Variants in ZFAND3 observed in about 807,000 individuals in gnomAD.
ZFAND3 encodes zinc finger AN1-type containing 3.
ZFAND3 carries 10 observed loss-of-function variants against 29.6 expected under a neutral mutation model. The observed-to-expected ratio is 0.34, with a 90% CI of 0.21 to 0.57. The LOEUF is 0.57. Among genes scored for constraint, ZFAND3 ranks in the 20% least tolerant of loss-of-function variants. ZFAND3 has a pLI of 0.86. For synonymous variants in ZFAND3, 128 were observed against 112.6 expected (o/e 1.14, Z -0.87); for missense variants, 230 against 304.5 (o/e 0.76, Z 1.82).
chr6:38,081,159 CTT>C (rs200659624), intron 3 of ZFAND3, among the ~76,000 whole-genome samples: 1 of 143,888 alleles, frequency 6.9e-6, no homozygotes, highest in Non-Finnish European at 1.5e-5. Flanking sequence ...GAAGTTTTTT[CTT>C]TTTTTTTTTT....
chr6:38,096,265 C>T (rs1367000733), intron 4 of ZFAND3, among the ~76,000 whole-genome samples: 2 of 151,762 alleles, frequency 1.3e-5, no homozygotes, highest in South Asian at 2.1e-4. Context: ...CTCCGCCTCT[C>T]GGGTTTAAGC....
chr6:37,848,127 T>C (rs746621163), intron 1 of ZFAND3, among the ~76,000 whole-genome samples: 16 of 152,258 alleles, frequency 1.1e-4, no homozygotes, highest in Non-Finnish European at 2.4e-4. Flanking sequence ...AAAGTACAGA[T>C]ATCATTACTG....
chr6:37,926,496 A>C (rs917987707), intron 1 of ZFAND3, among the ~76,000 whole-genome samples: 4 of 151,390 alleles, frequency 2.6e-5, no homozygotes, highest in African/African-American at 4.9e-5. Context: ...TCCCTTTGCT[A>C]CTCCCTTGCA....
chr6:38,040,924 T>C (rs1763747842), intron 2 of ZFAND3, among the ~76,000 whole-genome samples: 1 of 152,224 alleles, frequency 6.6e-6, no homozygotes, highest in African/African-American at 2.4e-5. Flanking sequence ...GTCTCAGTAA[T>C]ATCCTTTTTA....
At chr6:37,921,673 T>C (rs1052126374) in intron 1 of ZFAND3, among the ~76,000 whole-genome samples, 3 of 151,878 alleles carry the variant, frequency 2.0e-5, no homozygotes, top group African/African-American at 4.8e-5. Flanking sequence ...AACATTGATA[T>C]CCTTCAAAAT....
At chr6:37,903,706 A>T (rs527898353) in intron 1 of ZFAND3, among the ~76,000 whole-genome samples, 6 of 152,370 alleles carry the variant, frequency 3.9e-5, no homozygotes, top group Non-Finnish European at 8.8e-5. Context: ...ATTTAATCAT[A>T]ACTAAGGTAG....
At chr6:37,957,389 G>A (rs534589066) in intron 2 of ZFAND3, among the ~76,000 whole-genome samples, 1 of 151,626 alleles carries the variant, frequency 6.6e-6, no homozygotes, top group Non-Finnish European at 1.5e-5. Flanking sequence ...ATGTCTCGGA[G>A]TCTCAGTTTG....
At chr6:37,963,254 A>G (rs945599169) in intron 2 of ZFAND3, among the ~76,000 whole-genome samples, 1 of 152,254 alleles carries the variant, frequency 6.6e-6, no homozygotes, top group African/African-American at 2.4e-5. Context: ...GCATTTAATA[A>G]TGAAGCTCCA....
chr6:38,086,971 T>G (rs1764770082), intron 4 of ZFAND3, among the ~76,000 whole-genome samples: 1 of 151,838 alleles, frequency 6.6e-6, no homozygotes, highest in Admixed American at 6.6e-5. Flanking sequence ...CAGAACAACC[T>G]CAAACTGGCA....
intron 1 of ZFAND3, among the ~76,000 whole-genome samples, chr6:37,858,722 TA>T (rs536693630): frequency 6.6e-5 from 10 of 152,338 alleles, no homozygotes; most frequent in Non-Finnish European, 2.9e-5. Context: ...TGAAACCTGT[TA>T]AACAAGGTGA....
At chr6:37,957,452 G>A (rs917430512) in intron 2 of ZFAND3, among the ~76,000 whole-genome samples, 3 of 151,622 alleles carry the variant, frequency 2.0e-5, no homozygotes, top group Admixed American at 1.3e-4. Context: ...GGTTTGTAAG[G>A]ATCAAAATAA....
At chr6:37,944,538 T>C (rs910741038) in intron 2 of ZFAND3, among the ~76,000 whole-genome samples, 10 of 152,212 alleles carry the variant, frequency 6.6e-5, no homozygotes, top group African/African-American at 2.4e-4. Context: ...TATGCTTCCC[T>C]TAGGCCAAAA....
intron 2 of ZFAND3, among the ~76,000 whole-genome samples, chr6:37,985,888 T>C (rs1319131259): frequency 6.6e-6 from 1 of 152,212 alleles, no homozygotes; most frequent in Non-Finnish European, 1.5e-5. Context: ...CTAGTCTCTT[T>C]TTATGCCTGA....
chr6:37,824,587 AAT>A (rs1314070689), intron 1 of ZFAND3, among the ~76,000 whole-genome samples: 4 of 152,218 alleles, frequency 2.6e-5, no homozygotes, highest in African/African-American at 9.6e-5. Flanking sequence ...AAACCTTGGG[AAT>A]TACTATTTTG....
chr6:38,146,541 C>T (rs1032717723), intron 5 of ZFAND3, among the ~76,000 whole-genome samples: 3 of 152,208 alleles, frequency 2.0e-5, no homozygotes, highest in Non-Finnish European at 2.9e-5. Context: ...ATTTACTGAA[C>T]GCAACTCAGG....
At chr6:37,833,444 C>T (rs1280505722) in intron 1 of ZFAND3, among the ~76,000 whole-genome samples, 1 of 151,972 alleles carries the variant, frequency 6.6e-6, no homozygotes, top group Non-Finnish European at 1.5e-5. Context: ...CAATTTTTTT[C>T]TTCTTAGATG....
chr6:38,011,958 C>T (rs2127444046), intron 2 of ZFAND3, among the ~76,000 whole-genome samples: 1 of 152,016 alleles, frequency 6.6e-6, no homozygotes, highest in South Asian at 2.1e-4. Context: ...TATGAAAGTT[C>T]AAAATATAAA....
intron 5 of ZFAND3, among the ~76,000 whole-genome samples, chr6:38,136,774 T>G (rs538314249): frequency 1.3e-5 from 2 of 152,320 alleles, no homozygotes; most frequent in East Asian, 3.9e-4. Context: ...CTGTTCTTTC[T>G]TGGACCATGG....
At chr6:37,870,095 A>T (rs912873960) in intron 1 of ZFAND3, among the ~76,000 whole-genome samples, 5 of 151,992 alleles carry the variant, frequency 3.3e-5, no homozygotes, top group African/African-American at 1.2e-4. Flanking sequence ...ATTAAATTCA[A>T]AGCATTTTCT....
Sources: allele counts gnomAD v4.1 joint callset (sites outside exome capture counted in the v4.1 genomes callset), GRCh38; gene constraint gnomAD v4.1.1; transcripts MANE v1.5; gene names NCBI Gene and HGNC (gene_info 2026-07-23, HGNC 2026-07-21).